The following MED13L variants were observed in gnomAD, a reference collection of about 807,000 sequenced individuals.
MED13L encodes mediator complex subunit 13L, also known as mediator of RNA polymerase II transcription subunit 13-like.
MED13L carries 7 observed loss-of-function variants against 220.9 expected under a neutral mutation model. The ratio of observed to expected loss-of-function variants is 0.03; its 90% CI spans 0.02 to 0.06. The LOEUF is 0.06. Ranked by LOEUF, MED13L falls within the 10% of genes least tolerant of loss-of-function variation. The pLI is 1.00. For synonymous variants in MED13L, 1,011 were observed against 1,015.2 expected (o/e 1.00, Z 0.08); for missense variants, 1,965 against 2,760.5 (o/e 0.71, Z 6.46).
intron 19 of MED13L, among the ~76,000 whole-genome samples, chr12:115,985,642 CAG>C (rs916264896): frequency 8.8e-4 from 134 of 152,260 alleles, no homozygotes; most frequent in African/African-American, 3.0e-3. Flanking sequence ...TCTTCAAAGA[CAG>C]ACATGATTCT....
chr12:116,101,162 A>C (rs1334626216), intron 3 of MED13L, among the ~76,000 whole-genome samples: 1 of 152,166 alleles, frequency 6.6e-6, no homozygotes, highest in Non-Finnish European at 1.5e-5. Context: ...GTCCCGATCA[A>C]GCCTGCACAC....
chr12:116,247,361 G>A (rs1871187058), intron 1 of MED13L, among the ~76,000 whole-genome samples: 1 of 152,028 alleles, frequency 6.6e-6, no homozygotes, highest in Admixed American at 6.6e-5. Flanking sequence ...CTAAACTGAA[G>A]AACAATATCC....
intron 9 of MED13L, among the ~76,000 whole-genome samples, chr12:116,009,872 C>T (rs932382032): frequency 2.6e-5 from 4 of 152,108 alleles, no homozygotes; most frequent in African/African-American, 9.7e-5. Flanking sequence ...TCAGTAAGAG[C>T]CCACTACATG....
At chr12:116,253,893 G>C (rs2138529664) in intron 1 of MED13L, among the ~76,000 whole-genome samples, 1 of 150,968 alleles carries the variant, frequency 6.6e-6, no homozygotes, top group African/African-American at 2.4e-5. Context: ...CTGAGTAGCT[G>C]AGATTACAGG....
At chr12:116,272,774 C>T (rs922466385) in intron 1 of MED13L, among the ~76,000 whole-genome samples, 1 of 152,146 alleles carries the variant, frequency 6.6e-6, no homozygotes, top group East Asian at 1.9e-4. Context: ...AAATTATGAA[C>T]TCATCACACA....
Position 115,977,734 on chromosome 12 carries a change from C to T in MED13L, c.5365-1996G>A, listed in dbSNP as rs370989248. ...GCATATGGCCAGGCGAGGTGGTTCACGCCTGTAATCCCAGCACTTTGGGAG... is the reference window on the plus strand; with the variant it reads ...GCATATGGCCAGGCGAGGTGGTTCATGCCTGTAATCCCAGCACTTTGGGAG... On this transcript the variant is annotated intron_variant, in intron 23 of 30. Coordinates refer to ENST00000281928, the MANE Select transcript of MED13L (RefSeq NM_015335.5). Among the ~76,000 whole-genome samples the T allele has an allele frequency of 1.8e-4, 28 of 152,210 alleles. No individual in the cohort carries two copies. The East Asian group carries it at 5.0e-3, about 27-fold the overall frequency.
intron 4 of MED13L, among the ~76,000 whole-genome samples, chr12:116,035,251 TTA>T (rs916454537): frequency 6.6e-6 from 1 of 152,064 alleles, no homozygotes; most frequent in Admixed American, 6.5e-5. Context: ...CCCAAAGACT[TTA>T]AAAGAGGCAG....
In MED13L at chr12:116,269,419, G is replaced by A. The variant is rs373819904; in HGVS notation, c.72+7641C>T. 6.4e-5 allele frequency among the ~76,000 whole-genome samples: 7 copies of A among 109,802 alleles called. No homozygotes were observed. The South Asian group carries it at 9.8e-4, about 15-fold the overall frequency. The allele number at this position is 109,802 out of a possible 152,430, so 72.0% of individuals were successfully genotyped here. Reference sequence around the variant, plus strand: ...CTTCCTGATGCTCTCCCTCCTCCCCGCCCCCCCAATCTACTTTTAAAGTTA... The same window carrying A: ...CTTCCTGATGCTCTCCCTCCTCCCCACCCCCCCAATCTACTTTTAAAGTTA... On this transcript the variant is annotated intron_variant, in intron 1 of 30. Transcript: ENST00000281928.
chr12:116,029,726 T>TAC (rs1421363403), intron 4 of MED13L, among the ~76,000 whole-genome samples: 1 of 152,136 alleles, frequency 6.6e-6, no homozygotes, highest in Non-Finnish European at 1.5e-5. Context: ...TGGTATGCAA[T>TAC]ACAGCTCAGA....
chr12:116,060,587 A>C (rs1163282046), intron 4 of MED13L, among the ~76,000 whole-genome samples: 1 of 152,076 alleles, frequency 6.6e-6, no homozygotes, highest in East Asian at 1.9e-4. Context: ...GGGAAAAAAA[A>C]AAAAAAAACT....
intron 1 of MED13L, chr12:116,276,476 A>T: frequency 1.6e-6 from 2 of 1,288,636 alleles, no homozygotes; most frequent in South Asian, 1.2e-5. Flanking sequence ...CAGCATAGTA[A>T]GCCCCGAGAG....
At chr12:116,160,781 G>C (rs922101896) in intron 2 of MED13L, among the ~76,000 whole-genome samples, 31 of 148,818 alleles carry the variant, frequency 2.1e-4, no homozygotes, top group Non-Finnish European at 4.5e-4. Flanking sequence ...TGTAGAGACA[G>C]GGTCTCAAAC....
chr12:116,267,401 A>T (rs943352169), intron 1 of MED13L, among the ~76,000 whole-genome samples: 1 of 152,240 alleles, frequency 6.6e-6, no homozygotes, highest in Non-Finnish European at 1.5e-5. Context: ...ACTTAAAACA[A>T]GTCATTTTAC....
At chr12:115,980,583 G>GA (rs1877255837) in intron 23 of MED13L, 167 bp downstream of exon 23, 1 of 742,880 alleles carries the variant, frequency 1.3e-6, no homozygotes, top group Non-Finnish European at 2.3e-6. Flanking sequence ...CTCAGCCTCC[G>GA]AAAGTGCTAA....
At chr12:116,079,964 A>G (rs1871113525) in intron 4 of MED13L, among the ~76,000 whole-genome samples, 1 of 152,202 alleles carries the variant, frequency 6.6e-6, no homozygotes, top group Non-Finnish European at 1.5e-5. Context: ...CATGTGGCCC[A>G]GAACAGCTTT....
chr12:116,107,394 A>C (rs532991734), intron 3 of MED13L, among the ~76,000 whole-genome samples: 13 of 152,374 alleles, frequency 8.5e-5, no homozygotes, highest in African/African-American at 2.9e-4. Context: ...AAGTCACATT[A>C]CCATAGAATT....
At chr12:116,047,613 A>C (rs1055744869) in intron 4 of MED13L, among the ~76,000 whole-genome samples, 3 of 152,194 alleles carry the variant, frequency 2.0e-5, no homozygotes, top group African/African-American at 7.2e-5. Flanking sequence ...CAGGAAATAA[A>C]AATAGAGGCT....
At chr12:116,204,333 G>A (rs948308206) in intron 2 of MED13L, among the ~76,000 whole-genome samples, 1 of 152,164 alleles carries the variant, frequency 6.6e-6, no homozygotes, top group African/African-American at 2.4e-5. Context: ...GCTGCCAGAC[G>A]TAAACTGAAT....
At chr12:116,011,757 T>C (rs1006110314) in intron 9 of MED13L, among the ~76,000 whole-genome samples, 31 of 152,200 alleles carry the variant, frequency 2.0e-4, no homozygotes, top group Non-Finnish European at 4.0e-4. Context: ...AAATCAATAA[T>C]GAGTTTCATT....
Sources: allele counts gnomAD v4.1 joint callset (sites outside exome capture counted in the v4.1 genomes callset), GRCh38; gene constraint gnomAD v4.1.1; transcripts MANE v1.5; gene names NCBI Gene and HGNC (gene_info 2026-07-23, HGNC 2026-07-21).